Variants in CDH9 observed in about 807,000 individuals in gnomAD.
CDH9 encodes the protein cadherin 9.
A neutral mutation model predicts 70.9 loss-of-function variants in CDH9; 28 were observed. The observed-to-expected ratio is 0.40, with a 90% confidence interval of 0.29 to 0.54. The LOEUF is 0.54. Ranked by LOEUF, CDH9 falls within the 20% of genes least tolerant of loss-of-function variation. CDH9 has a pLI of 0.59. For synonymous variants in CDH9, 409 were observed against 343.1 expected (o/e 1.19, Z -2.12); for missense variants, 874 against 984.4 (o/e 0.89, Z 1.50).
rs1741138341 is a variant in CDH9, at chr5:26,915,820, A to G, written c.333T>C (p.His111=). ...FVIDENTGDI[H]AAKKLDREEK... ...CTTCTCTGTCTAGTTTCTTTGCAGCATGAATGTCTCCTGTATTTTCATCTA... is the reference window on the plus strand; with the variant it reads ...CTTCTCTGTCTAGTTTCTTTGCAGCGTGAATGTCTCCTGTATTTTCATCTA... Residue 111 remains histidine, a synonymous_variant, in exon 3 of 12, where the codon CAT becomes CAC. Transcript: ENST00000231021. 1 of 1,613,480 alleles carries G rather than the reference A, an allele frequency of 6.2e-7. No homozygotes were observed. The highest frequency in any genetic ancestry group is 8.5e-7 in the Non-Finnish European group (1 of 1,179,454).
chr5:26,922,814 T>C (rs371067331), intron 2 of CDH9, among the ~76,000 whole-genome samples: 1 of 151,860 alleles, frequency 6.6e-6, no homozygotes, highest in Non-Finnish European at 1.5e-5. Flanking sequence ...TATAATAAGA[T>C]ATAAACAGAA....
At chr5:26,981,585 G>C (rs1028231272) in intron 2 of CDH9, among the ~76,000 whole-genome samples, 1 of 152,004 alleles carries the variant, frequency 6.6e-6, no homozygotes, top group Admixed American at 6.6e-5. Context: ...GGCAGAGGCA[G>C]GTGGATCATG....
intron 1 of CDH9, among the ~76,000 whole-genome samples, chr5:27,037,083 A>G (rs1743406209): frequency 6.6e-6 from 1 of 151,988 alleles, no homozygotes; most frequent in African/African-American, 2.4e-5. Context: ...TCTTCTGCAG[A>G]ATGTAGGAGG....
chr5:27,015,665 A>G (rs1406938093), intron 1 of CDH9, among the ~76,000 whole-genome samples: 2 of 151,846 alleles, frequency 1.3e-5, no homozygotes, highest in East Asian at 3.9e-4. Flanking sequence ...TTAAATATTA[A>G]TAATGATTCC....
intron 1 of CDH9, among the ~76,000 whole-genome samples, chr5:27,009,366 C>T (rs138972065): frequency 9.2e-5 from 14 of 152,166 alleles, no homozygotes; most frequent in African/African-American, 2.2e-4. Context: ...AGTGGTGACA[C>T]AGAGGTAGTG....
intron 2 of CDH9, among the ~76,000 whole-genome samples, chr5:26,949,633 A>T (rs751432854): frequency 3.9e-5 from 6 of 152,202 alleles, no homozygotes; most frequent in African/African-American, 4.8e-5. Flanking sequence ...TGACTTGATC[A>T]CCACTGGCCC....
At chr5:26,927,607 AT>A (rs761467598) in intron 2 of CDH9, among the ~76,000 whole-genome samples, 21 of 152,168 alleles carry the variant, frequency 1.4e-4, no homozygotes, top group Non-Finnish European at 1.8e-4. Context: ...GGATAAAGTA[AT>A]AAAAACCAAT....
At chr5:26,918,448 A>G (rs1228140288) in intron 2 of CDH9, among the ~76,000 whole-genome samples, 1 of 152,226 alleles carries the variant, frequency 6.6e-6, no homozygotes, top group Admixed American at 6.5e-5. Flanking sequence ...GGAAAGACTG[A>G]TATTCTTCTA....
chr5:26,896,397 A>T (rs1367439587), intron 7 of CDH9, among the ~76,000 whole-genome samples: 1 of 151,852 alleles, frequency 6.6e-6, no homozygotes, highest in Admixed American at 6.6e-5. Context: ...GTGTGTATGT[A>T]AAGATTGTAT....
intron 5 of CDH9, 66 bp from the exon 6 acceptor site, chr5:26,903,890 AT>A: frequency 1.2e-6 from 1 of 835,982 alleles, no homozygotes; most frequent in Non-Finnish European, 1.9e-6. Flanking sequence ...TTTCCTCTGC[AT>A]TTTTAACTTA....
At chr5:27,022,244 GT>G (rs565624774) in intron 1 of CDH9, among the ~76,000 whole-genome samples, 12 of 151,794 alleles carry the variant, frequency 7.9e-5, no homozygotes, top group African/African-American at 2.2e-4. Context: ...GATTGTACAT[GT>G]TTTTTTTAAT....
At chr5:27,016,068 A>C (rs2112120056) in intron 1 of CDH9, among the ~76,000 whole-genome samples, 1 of 151,860 alleles carries the variant, frequency 6.6e-6, no homozygotes, top group South Asian at 2.1e-4. Context: ...TTCCCACATA[A>C]TTTAATATGA....
chr5:26,901,566 T>C (rs1740854473), intron 7 of CDH9, among the ~76,000 whole-genome samples: 1 of 151,916 alleles, frequency 6.6e-6, no homozygotes. Flanking sequence ...GAAAAGAATT[T>C]AACCATTTTC....
At chr5:27,018,358 A>T (rs1264400896) in intron 1 of CDH9, among the ~76,000 whole-genome samples, 1 of 151,732 alleles carries the variant, frequency 6.6e-6, no homozygotes, top group Non-Finnish European at 1.5e-5. Flanking sequence ...AAAATTAAAT[A>T]TATATAAAAT....
chr5:26,889,987 T>A, intron 8 of CDH9, 30 bp from the exon 9 acceptor site: 1 of 1,605,496 alleles, frequency 6.2e-7, no homozygotes, highest in Non-Finnish European at 8.5e-7. Flanking sequence ...AAGATTTCAG[T>A]CTCATTTACA....
intron 7 of CDH9, among the ~76,000 whole-genome samples, chr5:26,900,677 T>C (rs1253420782): frequency 1.3e-5 from 2 of 152,096 alleles, no homozygotes; most frequent in Non-Finnish European, 2.9e-5. Flanking sequence ...AGTTTTCCAG[T>C]AATGTGTGAT....
intron 2 of CDH9, among the ~76,000 whole-genome samples, chr5:26,936,992 C>G (rs543148761): frequency 1.4e-4 from 21 of 151,968 alleles, no homozygotes; most frequent in African/African-American, 4.8e-4. Context: ...TTTTTAGATA[C>G]AACACCAAAA....
At chr5:27,025,060 T>C (rs1389405573) in intron 1 of CDH9, among the ~76,000 whole-genome samples, 1 of 152,152 alleles carries the variant, frequency 6.6e-6, no homozygotes. Context: ...ATTAATTTTT[T>C]TGTGATATAA....
At chr5:26,959,183 C>T (rs1178668048) in intron 2 of CDH9, among the ~76,000 whole-genome samples, 1 of 152,008 alleles carries the variant, frequency 6.6e-6, no homozygotes, top group Non-Finnish European at 1.5e-5. Context: ...CATTTTTATA[C>T]AAATGAATAA....
Sources: allele counts gnomAD v4.1 joint callset (sites outside exome capture counted in the v4.1 genomes callset), GRCh38; gene constraint gnomAD v4.1.1; transcripts MANE v1.5; gene names NCBI Gene and HGNC (gene_info 2026-07-23, HGNC 2026-07-21).